RUFY4: variants seen among roughly 807,000 people sequenced by gnomAD.
RUFY4 encodes RUN and FYVE domain containing 4, also known as RUN and FYVE domain-containing protein 4.
Under a neutral mutation model 69.0 loss-of-function variants are expected in RUFY4, and 73 were observed. The observed-to-expected ratio is 1.06, with a 90% confidence interval of 0.88 to 1.29. The LOEUF is 1.29. Ranked by LOEUF, RUFY4 falls within the 50% of genes most tolerant of loss-of-function variation. The pLI, the probability that RUFY4 is intolerant of heterozygous loss-of-function variation, is 0.00. For synonymous variants in RUFY4, 287 were observed against 271.8 expected (o/e 1.06, Z -0.55); for missense variants, 770 against 705.6 (o/e 1.09, Z -1.03).
chr2:218,076,656 A>C (rs1574513396), intron 8 of RUFY4, 123 bp downstream of exon 10: 5 of 1,438,194 alleles, frequency 3.5e-6, no homozygotes. Context: ...GACTGGGCAC[A>C]CCTTTGGGAT....
At chr2:218,077,171 C>T (rs1481548152) in intron 8 of RUFY4, among the ~76,000 whole-genome samples, 7 of 152,204 alleles carry the variant, frequency 4.6e-5, no homozygotes, top group Non-Finnish European at 1.0e-4. Context: ...CTGCAGCTGA[C>T]TCCAGAACCA....
chr2:218,072,976 T>C (rs1409435019), intron 4 of RUFY4, 91 bp downstream of exon 6: 3 of 1,116,528 alleles, frequency 2.7e-6, no homozygotes, highest in African/African-American at 3.1e-5. Flanking sequence ...CACAGATGGC[T>C]TTCTATCAAG....
intron 2 of RUFY4, among the ~76,000 whole-genome samples, chr2:218,050,631 A>G (rs1229787707): frequency 6.6e-6 from 1 of 152,180 alleles, no homozygotes; most frequent in Non-Finnish European, 1.5e-5. Context: ...TTATAGCTGG[A>G]TATTCACATC....
chr2:218,089,967 G>C, exon 11 of RUFY4: 1 of 1,562,292 alleles, frequency 6.4e-7, no homozygotes, highest in Non-Finnish European at 8.7e-7. Context: ...GTGGAGGCCT[G>C]CTCTGCCATG....
intron 2 of RUFY4, among the ~76,000 whole-genome samples, chr2:218,072,020 T>A (rs186719329): frequency 2.0e-4 from 30 of 152,316 alleles, no homozygotes; most frequent in African/African-American, 6.7e-4. Context: ...GGGCACTCCA[T>A]GGGGAAGGAG....
At chr2:218,071,710 G>T (rs1397509039) in intron 2 of RUFY4, among the ~76,000 whole-genome samples, 1 of 152,002 alleles carries the variant, frequency 6.6e-6, no homozygotes, top group South Asian at 2.1e-4. Context: ...TAACATACTC[G>T]ATGCTTTACT....
intron 2 of RUFY4, among the ~76,000 whole-genome samples, chr2:218,052,831 G>A (rs948058872): frequency 4.7e-5 from 6 of 127,062 alleles, no homozygotes; most frequent in African/African-American, 1.6e-4. Flanking sequence ...CCTAAGGCAG[G>A]TCTAAGGTTT....
At chr2:218,079,158 G>A (rs562352586) in intron 8 of RUFY4, among the ~76,000 whole-genome samples, 29 of 152,234 alleles carry the variant, frequency 1.9e-4, no homozygotes, top group African/African-American at 6.0e-4. Context: ...CATGAGCCAC[G>A]GTGCCCGGCT....
upstream of RUFY4, among the ~76,000 whole-genome samples, chr2:218,066,177 CTTTTTTTT>C (rs58665951): frequency 1.3e-5 from 1 of 74,456 alleles, no homozygotes; most frequent in African/African-American, 5.9e-5. Flanking sequence ...CTTTTCTTTT[CTTTTTTTT>C]TTTTTTTTTT....
intron 4 of RUFY4, 23 bp from the exon 7 acceptor site, chr2:218,073,220 G>C: frequency 6.5e-7 from 1 of 1,547,640 alleles, no homozygotes; most frequent in Non-Finnish European, 8.7e-7. Context: ...AAAGGCCAAG[G>C]GTTCTGATCA....
intron 2 of RUFY4, among the ~76,000 whole-genome samples, chr2:218,058,311 C>G (rs1051691863): frequency 6.6e-6 from 1 of 152,168 alleles, no homozygotes; most frequent in Non-Finnish European, 1.5e-5. Flanking sequence ...AGCATACATA[C>G]TACAAGTTAA....
At chr2:218,054,232 C>G (rs1037078987) in intron 2 of RUFY4, among the ~76,000 whole-genome samples, 7 of 152,164 alleles carry the variant, frequency 4.6e-5, no homozygotes, top group African/African-American at 1.7e-4. Context: ...TACAAGTACT[C>G]TTAAATACAG....
chr2:218,074,164 G>T (rs1689568076), intron 6 of RUFY4, among the ~76,000 whole-genome samples: 1 of 152,106 alleles, frequency 6.6e-6, no homozygotes, highest in African/African-American at 2.4e-5. Context: ...TGCTATGAGG[G>T]GCGGGCCACT....
exon 6 of RUFY4, chr2:218,073,860 G>A (rs1689555773): frequency 1.2e-6 from 2 of 1,613,944 alleles, no homozygotes; most frequent in Non-Finnish European, 1.7e-6. Flanking sequence ...AGGAGACCCA[G>A]AAAAAACAAA....
At chr2:218,075,943 G>A (rs986736370) in intron 7 of RUFY4, among the ~76,000 whole-genome samples, 3 of 151,904 alleles carry the variant, frequency 2.0e-5, no homozygotes, top group Non-Finnish European at 4.4e-5. Context: ...ATTGCCCCAC[G>A]CTAGACCCAC....
intron 2 of RUFY4, among the ~76,000 whole-genome samples, chr2:218,052,328 C>T (rs1688961752): frequency 6.6e-6 from 1 of 152,164 alleles, no homozygotes; most frequent in Non-Finnish European, 1.5e-5. Context: ...CTAAATTGTT[C>T]TATGTAACCA....
chr2:218,050,769 G>A (rs1688925926), intron 2 of RUFY4, among the ~76,000 whole-genome samples: 1 of 152,154 alleles, frequency 6.6e-6, no homozygotes, highest in Non-Finnish European at 1.5e-5. Context: ...GTACAGATGA[G>A]AGTACATGCA....
chr2:218,075,146 C>T, exon 7 of RUFY4: 1 of 1,553,660 alleles, frequency 6.4e-7, no homozygotes, highest in Non-Finnish European at 8.7e-7. Context: ...ACTCACACAC[C>T]AGTCAAGCCA....
In RUFY4 at chr2:218,083,268, G is replaced by A. The variant is rs1463686573; in HGVS notation, c.1502+12G>A. 1.3e-6 allele frequency: 2 copies of A among 1,577,808 alleles called. No homozygotes were observed. Among genetic ancestry groups the A allele is most frequent in the Non-Finnish European group, 1.7e-6 (2 of 1,158,050 alleles). ...TTGGAACTGATCCAGTAAGGACGGG[G>A]ACAGTGGGAAAGGGGAAACAGATGG... On this transcript the variant is annotated intron_variant, in intron 9 of 10. Transcript: ENST00000344321.
Sources: allele counts gnomAD v4.1 joint callset (sites outside exome capture counted in the v4.1 genomes callset), GRCh38; gene constraint gnomAD v4.1.1; transcripts MANE v1.5; gene names NCBI Gene and HGNC (gene_info 2026-07-23, HGNC 2026-07-21).